FGF14: variants seen among roughly 807,000 people sequenced by gnomAD.
The protein encoded by FGF14 is fibroblast growth factor homologous factor 4.
FGF14 carries 5 observed loss-of-function variants against 25.5 expected under a neutral mutation model. The observed-to-expected ratio is 0.20, with a 90% CI of 0.10 to 0.41. FGF14 has a LOEUF of 0.41. FGF14 is among the 10% of genes least tolerant of loss of function. FGF14 has a pLI of 1.00. For missense variants in FGF14, 222 were observed against 320.1 expected, an observed-to-expected ratio of 0.69 and a Z score of 2.34; for synonymous variants, 138 against 118.3, an observed-to-expected ratio of 1.17 and a Z score of -1.08.
chr13:101,927,849 A>C (rs2034474753), intron 1 of FGF14, among the ~76,000 whole-genome samples: 1 of 152,026 alleles, frequency 6.6e-6, no homozygotes, highest in Non-Finnish European at 1.5e-5. Context: ...TGCCTGACCC[A>C]CCACAGGTGC....
intron 1 of FGF14, among the ~76,000 whole-genome samples, chr13:102,394,077 A>C (rs2058502579): frequency 6.6e-6 from 1 of 152,212 alleles, no homozygotes; most frequent in African/African-American, 2.4e-5. Context: ...AGGGGACTGA[A>C]GCCCAGAAAA....
chr13:101,896,128 G>A (rs1053328416), intron 1 of FGF14, among the ~76,000 whole-genome samples: 4 of 152,152 alleles, frequency 2.6e-5, no homozygotes, highest in African/African-American at 9.7e-5. Context: ...AAGTTTGCTA[G>A]CTAGCAGAAA....
chr13:101,769,354 TA>T lies in FGF14; in HGVS notation c.409-42545del, dbSNP rs60380900. 7.8e-4 allele frequency among the ~76,000 whole-genome samples: 117 copies of T among 149,896 alleles called. 2 individuals carry two copies. The highest frequency in any genetic ancestry group is 2.4e-3 in the African/African-American group (97 of 40,910). Reference sequence around the variant, plus strand: ...AACTCTCATTCACTGCTGGTGGGAATAAAAAAAAAATGGTACAACCACTTTA... The same window carrying T: ...AACTCTCATTCACTGCTGGTGGGAATAAAAAAAAATGGTACAACCACTTTA... On this transcript the variant is annotated intron_variant, in intron 3 of 4. Transcript: ENST00000376143.
chr13:101,733,790 T>A (rs2035985215), intron 3 of FGF14, among the ~76,000 whole-genome samples: 1 of 151,764 alleles, frequency 6.6e-6, no homozygotes, highest in Non-Finnish European at 1.5e-5. Context: ...GCAGTAAAAA[T>A]ATTTCTCAAC....
intron 1 of FGF14, among the ~76,000 whole-genome samples, chr13:102,257,152 A>C (rs1203669509): frequency 6.6e-6 from 1 of 152,096 alleles, no homozygotes; most frequent in African/African-American, 2.4e-5. Flanking sequence ...ATAGTATCAG[A>C]GTATATAATG....
chr13:102,004,531 A>G (rs1033793124), intron 1 of FGF14, among the ~76,000 whole-genome samples: 25 of 152,204 alleles, frequency 1.6e-4, no homozygotes, highest in African/African-American at 1.9e-4. Flanking sequence ...CTCTCTCTCT[A>G]TAACAACAAG....
intron 1 of FGF14, among the ~76,000 whole-genome samples, chr13:102,130,172 A>G (rs1444250287): frequency 6.6e-6 from 1 of 152,106 alleles, no homozygotes; most frequent in East Asian, 1.9e-4. Context: ...CCATTCAGGA[A>G]CTCCAGCCCG....
intron 3 of FGF14, among the ~76,000 whole-genome samples, chr13:101,782,267 A>G (rs2039544485): frequency 6.6e-6 from 1 of 152,160 alleles, no homozygotes; most frequent in African/African-American, 2.4e-5. Flanking sequence ...TCTTCCTTAA[A>G]TTATGTCTAT....
At chr13:102,088,604 T>G (rs539222412) in intron 1 of FGF14, among the ~76,000 whole-genome samples, 1 of 152,126 alleles carries the variant, frequency 6.6e-6, no homozygotes, top group Non-Finnish European at 1.5e-5. Context: ...GAAATCAAAG[T>G]CAATCCATAA....
In FGF14 at chr13:101,724,288, T is replaced by C. The variant is rs532114012; in HGVS notation, c.608-1321A>G. On this transcript the variant is annotated intron_variant, in intron 4 of 4. Coordinates refer to ENST00000376143, the MANE Select transcript of FGF14 (RefSeq NM_004115.4). ...CTATGCAGCCATAAAAAATGATGAG[T>C]TCATGGACATGGATGAAGCTGGAAA... Among the ~76,000 whole-genome samples the C allele has an allele frequency of 2.0e-5, 3 of 151,824 alleles. No homozygotes were observed. The East Asian group carries it at 5.8e-4, about 30-fold the overall frequency.
rs899758740 is a variant in FGF14 at position 102,278,888 on chromosome 13, A to G, written c.208+122583T>C. On this transcript the variant is annotated intron_variant, in intron 1 of 4. Transcript: ENST00000376131. Reference sequence around the variant, plus strand: ...AGCGCATTTTGAGCCCTCCATAGTGACCTTGTACAAAAGTGCCCAGGAAAC... The same window carrying G: ...AGCGCATTTTGAGCCCTCCATAGTGGCCTTGTACAAAAGTGCCCAGGAAAC... Among the ~76,000 whole-genome samples, 4 of 152,230 alleles carry G rather than the reference A, an allele frequency of 2.6e-5. 1 individual carries two copies.
intron 1 of FGF14, among the ~76,000 whole-genome samples, chr13:101,973,809 C>T (rs1566518121): frequency 6.6e-6 from 1 of 152,202 alleles, no homozygotes; most frequent in Admixed American, 6.5e-5. Flanking sequence ...CTCACAGACA[C>T]ACCCAGGATC....
At chr13:102,225,129 G>GT (rs1255400836) in intron 1 of FGF14, among the ~76,000 whole-genome samples, 3 of 152,064 alleles carry the variant, frequency 2.0e-5, no homozygotes, top group Admixed American at 6.6e-5. Context: ...TCCTCCTCCT[G>GT]TGAGTTTTGT....
chr13:101,786,965 C>T (rs180930058), intron 3 of FGF14, among the ~76,000 whole-genome samples: 1 of 152,262 alleles, frequency 6.6e-6, no homozygotes, highest in East Asian at 1.9e-4. Flanking sequence ...TGATGACTCA[C>T]ATCATGTCGC....
At chr13:102,191,867 G>A (rs2049137382) in intron 1 of FGF14, among the ~76,000 whole-genome samples, 1 of 152,150 alleles carries the variant, frequency 6.6e-6, no homozygotes, top group South Asian at 2.1e-4. Flanking sequence ...TAGTGGAATA[G>A]GCATGAGATA....
intron 1 of FGF14, among the ~76,000 whole-genome samples, chr13:102,340,556 AC>A (rs1258159336): frequency 2.6e-5 from 4 of 152,182 alleles, no homozygotes; most frequent in African/African-American, 9.7e-5. Context: ...AATATCTTTT[AC>A]CATCAGAGAT....
intron 1 of FGF14, among the ~76,000 whole-genome samples, chr13:102,348,418 A>C (rs942109267): frequency 1.3e-5 from 2 of 152,176 alleles, no homozygotes; most frequent in Non-Finnish European, 2.9e-5. Flanking sequence ...AAAAAGAAAG[A>C]AGAGGCATTT....
intron 3 of FGF14, among the ~76,000 whole-genome samples, chr13:101,756,447 T>C (rs575849752): frequency 6.6e-6 from 1 of 152,210 alleles, no homozygotes; most frequent in South Asian, 2.1e-4. Context: ...TTTAAAATAG[T>C]CTTAAAGCCA....
intron 1 of FGF14, among the ~76,000 whole-genome samples, chr13:102,240,789 T>C (rs1191980849): frequency 2.0e-5 from 3 of 152,126 alleles, no homozygotes; most frequent in Admixed American, 6.5e-5. Context: ...TCCAGAAGGA[T>C]TGAAGATGCA....
Sources: allele counts gnomAD v4.1 joint callset (sites outside exome capture counted in the v4.1 genomes callset), GRCh38; gene constraint gnomAD v4.1.1; transcripts MANE v1.5; gene names NCBI Gene and HGNC (gene_info 2026-07-23, HGNC 2026-07-21).